Variants in LRBA observed in about 807,000 individuals in gnomAD.
LRBA encodes the protein lipopolysaccharide-responsive and beige-like anchor protein.
A neutral mutation model predicts 330.0 loss-of-function variants in LRBA; 176 were observed. The observed-to-expected ratio is 0.53, with a 90% confidence interval of 0.47 to 0.60. The LOEUF (loss-of-function observed/expected upper bound fraction) is 0.60. LRBA is among the 20% of genes least tolerant of loss of function. The pLI is 0.00. For synonymous variants in LRBA, 1,230 were observed against 1,193.0 expected (o/e 1.03, Z -0.64); for missense variants, 3,259 against 3,444.8 (o/e 0.95, Z 1.35).
At chr4:150,707,456 A>G (rs925273403) in intron 36 of LRBA, among the ~76,000 whole-genome samples, 3 of 151,680 alleles carry the variant, frequency 2.0e-5, no homozygotes, top group Admixed American at 6.6e-5. Context: ...CCAATCAGAA[A>G]AACATCAAGA....
rs746659080 is a variant in LRBA at position 150,583,138 on chromosome 4, G to A, written c.6330+4910C>T. 2.5e-6 allele frequency: 4 copies of A among 1,614,232 alleles called. No individual in the cohort carries two copies. Among genetic ancestry groups the A allele is most frequent in the Admixed American group, 1.7e-5 (1 of 60,032 alleles). ...CAAAACCATCCGAGAGGTCTGTAAG[G>A]TGGTCTCGGACGTGCTCAAGGAAGT... On this transcript the variant is annotated intron_variant, in intron 40 of 56. Transcript: ENST00000651943. This position sits in a 1 kb window ranked among gnomAD's most constrained non-coding sequence, Gnocchi z 9.8.
At chr4:150,862,815 A>G (rs1162931192) in intron 22 of LRBA, among the ~76,000 whole-genome samples, 2 of 152,002 alleles carry the variant, frequency 1.3e-5, no homozygotes, top group Non-Finnish European at 2.9e-5. Flanking sequence ...TGTCTCTACT[A>G]AAAATACAAA....
intron 44 of LRBA, among the ~76,000 whole-genome samples, chr4:150,437,484 C>T (rs61520262): frequency 0.054 from 8,034 of 147,826 alleles, 344 homozygotes; most frequent in East Asian, 0.18. Flanking sequence ...AAAAATATGC[C>T]GGCATGAACT....
chr4:150,516,723 T>C (rs1455438763), intron 40 of LRBA, among the ~76,000 whole-genome samples: 1 of 152,090 alleles, frequency 6.6e-6, no homozygotes, highest in Non-Finnish European at 1.5e-5. Flanking sequence ...TTAAGAGTTA[T>C]AATACATTTT....
intron 44 of LRBA, among the ~76,000 whole-genome samples, chr4:150,449,095 C>T (rs915881916): frequency 6.6e-6 from 1 of 152,054 alleles, no homozygotes; most frequent in Non-Finnish European, 1.5e-5. Flanking sequence ...AATCCTTAAG[C>T]TGATGGGAGA....
intron 28 of LRBA, among the ~76,000 whole-genome samples, chr4:150,838,222 C>A (rs566165695): frequency 8.5e-5 from 13 of 152,288 alleles, no homozygotes; most frequent in African/African-American, 3.1e-4. Flanking sequence ...CTGCCCTTAA[C>A]ATTTTTTCCT....
At chr4:150,399,045 T>C (rs940873902) in intron 47 of LRBA, among the ~76,000 whole-genome samples, 6 of 152,202 alleles carry the variant, frequency 3.9e-5, no homozygotes, top group African/African-American at 1.2e-4. Flanking sequence ...ATTCTTGCAA[T>C]TTAATTTTAG....
At chr4:150,836,219 A>G (rs1748044448) in intron 28 of LRBA, among the ~76,000 whole-genome samples, 1 of 151,820 alleles carries the variant, frequency 6.6e-6, no homozygotes, top group Admixed American at 6.6e-5. Flanking sequence ...TTTAGTGAGG[A>G]TTTTTGCATC....
chr4:150,535,426 T>G (rs1003338712), intron 40 of LRBA, among the ~76,000 whole-genome samples: 1 of 152,212 alleles, frequency 6.6e-6, no homozygotes, highest in Admixed American at 6.5e-5. Context: ...GCACAAGCCA[T>G]GGCAGTCAAC....
chr4:150,583,674 C>T lies in LRBA; in HGVS notation c.6330+4374G>A. 2 of 1,613,876 alleles carry T rather than the reference C, an allele frequency of 1.2e-6. No individual in the cohort carries two copies. The highest frequency in any genetic ancestry group is 1.7e-6 in the Non-Finnish European group (2 of 1,179,960). On this transcript the variant is annotated intron_variant, in intron 40 of 56. Coordinates refer to ENST00000651943, the MANE Select transcript of LRBA (RefSeq NM_001364905.1). This position sits in a 1 kb window ranked among gnomAD's most constrained non-coding sequence, Gnocchi z 9.8. ...GGTTCAACTTGCTCTCGAAGGAGTGCTACTCGCTGACCGGCAAGCAGAGCT... is the reference window on the plus strand; with the variant it reads ...GGTTCAACTTGCTCTCGAAGGAGTGTTACTCGCTGACCGGCAAGCAGAGCT...
intron 42 of LRBA, among the ~76,000 whole-genome samples, chr4:150,473,147 T>C (rs957444089): frequency 2.0e-5 from 3 of 152,198 alleles, no homozygotes; most frequent in Non-Finnish European, 4.4e-5. Context: ...TGCTCTTGTG[T>C]GTATTTTGAT....
chr4:150,742,048 T>C (rs1307153910), intron 35 of LRBA, among the ~76,000 whole-genome samples: 2 of 151,954 alleles, frequency 1.3e-5, no homozygotes, highest in African/African-American at 4.8e-5. Context: ...GGAACATTTT[T>C]GATATGTATA....
chr4:150,944,306 A>G (rs1050609991), intron 2 of LRBA, among the ~76,000 whole-genome samples: 33 of 152,228 alleles, frequency 2.2e-4, no homozygotes, highest in African/African-American at 8.0e-4. Flanking sequence ...CTGTATCATA[A>G]ATTTTTTAAT....
rs5862924 is a variant in LRBA, at chr4:150,528,500, C to CA, written c.6331-37466dup. Among the ~76,000 whole-genome samples, 1,290 of 135,888 alleles carry CA rather than the reference C, an allele frequency of 9.5e-3. 25 individuals are homozygous for CA. The highest frequency in any genetic ancestry group is 0.033 in the African/African-American group (1,126 of 34,084). 89.1% of individuals were successfully genotyped at this position (135,888 alleles called of 152,430 possible). On this transcript the variant is annotated intron_variant, in intron 40 of 56. Transcript: ENST00000651943. ...TGGGGGACAGAGCAAGACTTCATCTCAAAAAAAAAAAAAAAGTGATACTTT... is the reference window on the plus strand; with the variant it reads ...TGGGGGACAGAGCAAGACTTCATCTCAAAAAAAAAAAAAAAAGTGATACTTT...
intron 40 of LRBA, among the ~76,000 whole-genome samples, chr4:150,549,641 C>T (rs1215223261): frequency 2.6e-5 from 4 of 152,100 alleles, no homozygotes; most frequent in African/African-American, 7.2e-5. Context: ...TCATTTGTCA[C>T]TTTTACCTAT....
chr4:150,764,946 T>C (rs1264064818), intron 34 of LRBA, among the ~76,000 whole-genome samples: 1 of 152,064 alleles, frequency 6.6e-6, no homozygotes. Context: ...TGAAAACTTA[T>C]GACCACTTAG....
At chr4:150,517,951 C>A (rs898452483) in intron 40 of LRBA, among the ~76,000 whole-genome samples, 7 of 152,192 alleles carry the variant, frequency 4.6e-5, no homozygotes, top group African/African-American at 1.7e-4. Context: ...GTAACTTTTG[C>A]AGTTTGAAGT....
In LRBA at chr4:150,302,664, A is replaced by G; in HGVS notation, c.7978T>C (p.Trp2660Arg). The change falls in exon 53 of 57, where the codon TGG becomes CGG. Residue 2660 changes from tryptophan to arginine, a missense_variant. Coordinates refer to ENST00000651943, the MANE Select transcript of LRBA (RefSeq NM_001364905.1). ...SRDATLLLWY[W>R]NGKCSGIGDN... is the part of the protein sequence containing the mutation. ...CCAATCCCACTGCATTTTCCATTCC[A>G]ATACCACAGCAAAAGAGTTGCATCA... The G allele has an allele frequency of 6.2e-7, 1 of 1,612,918 alleles. No homozygotes were observed. Among genetic ancestry groups the G allele is most frequent in the Non-Finnish European group, 8.5e-7 (1 of 1,179,316 alleles).
At chr4:150,645,060 A>T (rs1245036265) in intron 37 of LRBA, among the ~76,000 whole-genome samples, 1 of 151,484 alleles carries the variant, frequency 6.6e-6, no homozygotes, top group African/African-American at 2.4e-5. Flanking sequence ...TTTCTCAGAA[A>T]TACAAGTGGA....
Sources: gnomAD v4.1 joint callset for allele counts (sites outside exome capture counted in the v4.1 genomes callset) on GRCh38, gnomAD v4.1.1 for gene constraint, Gnocchi (gnomAD v3.1) non-coding constraint, MANE v1.5 for transcripts, NCBI Gene and HGNC (gene_info 2026-07-23, HGNC 2026-07-21) for gene names.